PCBP4: variants seen among roughly 807,000 people sequenced by gnomAD.
The protein encoded by PCBP4 is poly(rC) binding protein 4.
Under a neutral mutation model 46.2 loss-of-function variants are expected in PCBP4, and 24 were observed. That is an observed-to-expected ratio of 0.52 (90% CI 0.38 to 0.73). PCBP4 has a LOEUF of 0.73. Ranked by LOEUF, PCBP4 falls within the 30% of genes least tolerant of loss-of-function variation. The probability of loss-of-function intolerance (pLI) is 0.00; values close to 1 mark genes in which losing one functional copy is unlikely to be tolerated. For synonymous variants in PCBP4, 203 were observed against 224.4 expected, an observed-to-expected ratio of 0.90 and a Z score of 0.85; for missense variants, 407 against 537.0, an observed-to-expected ratio of 0.76 and a Z score of 2.39.
intron 1 of PCBP4, among the ~76,000 whole-genome samples, chr3:51,964,162 C>A (rs574445747): frequency 5.9e-5 from 9 of 152,346 alleles, no homozygotes; most frequent in African/African-American, 2.2e-4. Context: ...GCCCACTCCT[C>A]CTGTCCCTGG....
In PCBP4 at chr3:51,958,446, G is replaced by A; in HGVS notation, c.924-97C>T. On this transcript the variant is annotated intron_variant, in intron 13 of 13. Coordinates refer to ENST00000461554, the MANE Select transcript of PCBP4 (RefSeq NM_001174100.2). The surrounding 1 kb of genome is among the most constrained non-coding windows in gnomAD (Gnocchi z 5.4). ...GGGCATGAGATTAGATGAAAGGCAA[G>A]AGAGAGGTAGTGAACAGAGAACAAT... 3 of 832,146 alleles carry A rather than the reference G, an allele frequency of 3.6e-6. No homozygotes were observed. The highest frequency in any genetic ancestry group is 2.4e-4 in the Middle Eastern group (1 of 4,178). The allele number at this position is 832,146 out of a possible 1,614,324, so 51.5% of individuals were successfully genotyped here.
rs992348951 is a variant in PCBP4, at chr3:51,960,391, C to A, written c.256-71G>T. On this transcript the variant is annotated intron_variant, in intron 6 of 13. Coordinates refer to ENST00000461554, the MANE Select transcript of PCBP4 (RefSeq NM_001174100.2). This position sits in a 1 kb window ranked among gnomAD's most constrained non-coding sequence, Gnocchi z 5.0. ...TCTGCCCAGGGGTCAGGAGGGTACC[C>A]TTTCCCCAGTCCCACTTCAAGGGAA... 1.2e-4 allele frequency: 195 copies of A among 1,584,008 alleles called. No individual in the cohort carries two copies. The highest frequency in any genetic ancestry group is 2.2e-4 in the Admixed American group (13 of 58,134).
rs1213500705 is a variant in PCBP4 at position 51,961,217 on chromosome 3, C to T, written c.24G>A (p.Leu8=). MSGSDGG[L]EEEPELSITL... ...TGATGCTGAGCTCTGGCTCCTCCTC[C>T]AGTCCCCCGTCCGAGCCGCTCATTC... is the stretch of plus-strand genomic sequence containing the variant. Residue 8 remains leucine (L), a synonymous_variant, in exon 3 of 14, where the codon CTG becomes CTA. Transcript: ENST00000461554. 2 of 1,612,952 alleles carry T rather than the reference C, an allele frequency of 1.2e-6. No homozygotes were observed. Among genetic ancestry groups the T allele is most frequent in the Non-Finnish European group, 1.7e-6 (2 of 1,179,982 alleles).
rs761140336 is a variant in PCBP4 at position 51,959,354 on chromosome 3, A to C, written c.636+13T>G. The C allele has an allele frequency of 1.2e-6, 2 of 1,613,336 alleles. No homozygotes were observed. The highest frequency in any genetic ancestry group is 1.7e-6 in the Non-Finnish European group (2 of 1,179,640). The stretch of plus-strand genomic sequence containing the variant: ...GGTTCAGGAAGGGGTGCCTTGGGCT[A>C]TGGGTCACTCACCTCAGCTGGGGTC... On this transcript the variant is annotated intron_variant, in intron 10 of 13. Transcript: ENST00000461554. The surrounding 1 kb of genome is among the most constrained non-coding windows in gnomAD (Gnocchi z 5.6).
In PCBP4 at chr3:51,957,963, G is replaced by A. The variant is rs545684638; in HGVS notation, c.*98C>T. ...ATCCATGCGTCTGGGCGTTAGCGGCGTTTGGGACCCCAGGGTGGAGTCTCC... is the reference window on the plus strand; with the variant it reads ...ATCCATGCGTCTGGGCGTTAGCGGCATTTGGGACCCCAGGGTGGAGTCTCC... On this transcript the variant is annotated 3_prime_UTR_variant, in exon 14 of 14. Transcript: ENST00000461554. 1.1e-5 allele frequency: 13 copies of A among 1,193,414 alleles called. No homozygotes were observed. The highest frequency in any genetic ancestry group is 4.6e-5 in the African/African-American group (3 of 64,706). 73.9% of individuals were successfully genotyped at this position (1,193,414 alleles called of 1,614,324 possible).
chr3:51,958,427 G>T lies in PCBP4; in HGVS notation c.924-78C>A. The stretch of plus-strand genomic sequence containing the variant: ...GGGCAATGAGGGCAGAGATGGGCAT[G>T]AGATTAGATGAAAGGCAAGAGAGAG... On this transcript the variant is annotated intron_variant, in intron 13 of 13. Transcript: ENST00000461554. The surrounding 1 kb of genome is among the most constrained non-coding windows in gnomAD (Gnocchi z 5.4). 1.0e-6 allele frequency: 1 copy of T among 983,806 alleles called. No homozygotes were observed. Among genetic ancestry groups the T allele is most frequent in the Non-Finnish European group, 1.4e-6 (1 of 695,040 alleles). 60.9% of individuals were successfully genotyped at this position (983,806 alleles called of 1,614,324 possible). A position where few individuals can be genotyped will look rare whatever the true frequency, so the allele number is the denominator to read the frequency against.
chr3:51,959,570 C>T lies in PCBP4; in HGVS notation c.591+7G>A. 6.4e-7 allele frequency: 1 copy of T among 1,551,258 alleles called. No homozygotes were observed. The highest frequency in any genetic ancestry group is 8.7e-7 in the Non-Finnish European group (1 of 1,146,166). ...ATGTGTCCCACTGCTCCTGTTGTTC[C>T]CCTCACCTGGTTGGCAGAGAGAAGA... On this transcript the variant is annotated splice_region_variant and intron_variant, in intron 9 of 13. Coordinates refer to ENST00000461554, the MANE Select transcript of PCBP4 (RefSeq NM_001174100.2). The surrounding 1 kb of genome is among the most constrained non-coding windows in gnomAD (Gnocchi z 5.6).
chr3:51,958,694 A>G lies in PCBP4; in HGVS notation c.923+96T>C, dbSNP rs1699959157. 2.9e-6 allele frequency: 4 copies of G among 1,393,168 alleles called. No homozygotes were observed. The highest frequency in any genetic ancestry group is 2.9e-6 in the Non-Finnish European group (3 of 1,021,870). The allele number at this position is 1,393,168 out of a possible 1,614,324, so 86.3% of individuals were successfully genotyped here. A position where few individuals can be genotyped will look rare whatever the true frequency, so the allele number is the denominator to read the frequency against. ...GGAGAGGCAGAGGTCGGGCCCAGAC[A>G]GAGAGAGGAGGCCAGCTTCCTCTCC... On this transcript the variant is annotated intron_variant, in intron 13 of 13. Coordinates refer to ENST00000461554, the MANE Select transcript of PCBP4 (RefSeq NM_001174100.2). The surrounding 1 kb of genome is among the most constrained non-coding windows in gnomAD (Gnocchi z 5.4).
At chr3:51,965,001 C>T (rs1204567343) in intron 1 of PCBP4, among the ~76,000 whole-genome samples, 1 of 152,080 alleles carries the variant, frequency 6.6e-6, no homozygotes, top group Non-Finnish European at 1.5e-5. Flanking sequence ...CTTCCATACA[C>T]CATCATTAGG....
At chr3:51,961,788 G>T (rs1037696745) in intron 2 of PCBP4, 153 bp downstream of exon 2, 5 of 988,588 alleles carry the variant, frequency 5.1e-6, no homozygotes, top group Non-Finnish European at 6.0e-6. Context: ...CCAGATGGTG[G>T]ATGGAGCACA....
At chr3:51,965,381 A>C (rs1349573004) in intron 1 of PCBP4, among the ~76,000 whole-genome samples, 2 of 151,940 alleles carry the variant, frequency 1.3e-5, no homozygotes, top group African/African-American at 4.8e-5. Flanking sequence ...CTCAGCTCAA[A>C]ACGCCCATCC....
Position 51,958,488 on chromosome 3 carries a change from A to G in PCBP4, c.924-139T>C. ...GAGAACAATAAGGGGAAGATGGGAA[A>G]GGTGGAAGAGGAAGGGAAGAAAGGA... On this transcript the variant is annotated intron_variant, in intron 13 of 13. Transcript: ENST00000461554. The surrounding 1 kb of genome is among the most constrained non-coding windows in gnomAD (Gnocchi z 5.4). The G allele has an allele frequency of 1.5e-6, 1 of 667,840 alleles. No homozygotes were observed. The highest frequency in any genetic ancestry group is 3.3e-5 in the Admixed American group (1 of 30,706). The allele number at this position is 667,840 out of a possible 1,614,324, so 41.4% of individuals were successfully genotyped here.
chr3:51,960,793 A>G lies in PCBP4; in HGVS notation c.138+73T>C. ...CTGGTCAGCCCAGAAGGAGTGGTTC[A>G]GAGAGAAAGTGGGGCAGGGATCTCC... On this transcript the variant is annotated intron_variant, in intron 5 of 13. Coordinates refer to ENST00000461554, the MANE Select transcript of PCBP4 (RefSeq NM_001174100.2). The surrounding 1 kb of genome is among the most constrained non-coding windows in gnomAD (Gnocchi z 5.0). 1 of 1,560,266 alleles carries G rather than the reference A, an allele frequency of 6.4e-7. No homozygotes were observed. The highest frequency in any genetic ancestry group is 8.8e-7 in the Non-Finnish European group (1 of 1,131,226).
Position 51,960,143 on chromosome 3 carries a change from C to T in PCBP4, c.387+46G>A, listed in dbSNP as rs1369771527. ...AAGCCCAACACCCCTCTTACAACTGCTCCCTTGCCCCGGATTCCCTGTGGG... is the reference window on the plus strand; with the variant it reads ...AAGCCCAACACCCCTCTTACAACTGTTCCCTTGCCCCGGATTCCCTGTGGG... On this transcript the variant is annotated intron_variant, in intron 7 of 13. Coordinates refer to ENST00000461554, the MANE Select transcript of PCBP4 (RefSeq NM_001174100.2). This position sits in a 1 kb window ranked among gnomAD's most constrained non-coding sequence, Gnocchi z 5.0. The T allele has an allele frequency of 6.2e-7, 1 of 1,614,166 alleles. No individual in the cohort carries two copies. Among genetic ancestry groups the T allele is most frequent in the Non-Finnish European group, 8.5e-7 (1 of 1,180,006 alleles).
At chr3:51,966,099 C>A (rs1398628599) in intron 1 of PCBP4, among the ~76,000 whole-genome samples, 1 of 152,224 alleles carries the variant, frequency 6.6e-6, no homozygotes, top group African/African-American at 2.4e-5. Flanking sequence ...CAGCTCAGAG[C>A]TCTTTCCTCA....
chr3:51,958,413 G>A lies in PCBP4; in HGVS notation c.924-64C>T. 2 of 1,099,538 alleles carry A rather than the reference G, an allele frequency of 1.8e-6. No individual in the cohort carries two copies. The highest frequency in any genetic ancestry group is 2.5e-6 in the Non-Finnish European group (2 of 795,392). 68.1% of individuals were successfully genotyped at this position (1,099,538 alleles called of 1,614,324 possible). ...TGGGAGTGAGAGAGGGGCAATGAGG[G>A]CAGAGATGGGCATGAGATTAGATGA... On this transcript the variant is annotated intron_variant, in intron 13 of 13. Coordinates refer to ENST00000461554, the MANE Select transcript of PCBP4 (RefSeq NM_001174100.2). The surrounding 1 kb of genome is among the most constrained non-coding windows in gnomAD (Gnocchi z 5.4).
chr3:51,959,105 G>T lies in PCBP4; in HGVS notation c.701-6C>A, dbSNP rs372521659. 2 of 1,613,840 alleles carry T rather than the reference G, an allele frequency of 1.2e-6. No homozygotes were observed. Among genetic ancestry groups the T allele is most frequent in the Non-Finnish European group, 1.7e-6 (2 of 1,179,898 alleles). On this transcript the variant is annotated splice_polypyrimidine_tract_variant and splice_region_variant and intron_variant, in intron 11 of 13. Coordinates refer to ENST00000461554, the MANE Select transcript of PCBP4 (RefSeq NM_001174100.2). This position sits in a 1 kb window ranked among gnomAD's most constrained non-coding sequence, Gnocchi z 5.6. ...CTGTGTGCCGGGATCCAGTCCTGAG[G>T]GGGAGAAGAGGGACTGAGTGTGGTT...
rs1451384298 is a variant in PCBP4 at position 51,960,247 on chromosome 3, G to A, written c.329C>T (p.Ala110Val). The change falls in exon 7 of 14, where the codon GCC becomes GTC. Residue 110 changes from alanine (A) to valine (V), a missense_variant. By Grantham distance (64) the Ala-to-Val change is moderately conservative (BLOSUM62 0). Transcript: ENST00000461554. The surrounding 1 kb of genome is among the most constrained non-coding windows in gnomAD (Gnocchi z 5.0). The part of the protein sequence containing the change: ...PPVTLRLVIP[A>V]SQCGSLIGKA... ...CCCAATCAGTGAGCCACACTGACTG[G>A]CAGGGATGACAAGGCGCAGGGTCAC... 6.2e-7 allele frequency: 1 copy of A among 1,614,126 alleles called. No individual in the cohort carries two copies. Among genetic ancestry groups the A allele is most frequent in the Non-Finnish European group, 8.5e-7 (1 of 1,180,046 alleles).
At chr3:51,961,068 A>G in intron 3 of PCBP4, 35 bp from the exon 4 acceptor site, 1 of 1,614,130 alleles carries the variant, frequency 6.2e-7, no homozygotes. Context: ...GATGGGTGCC[A>G]GTGCCCAGGC....
Sources: gnomAD v4.1 joint callset for allele counts (sites outside exome capture counted in the v4.1 genomes callset) on GRCh38, gnomAD v4.1.1 for gene constraint, Gnocchi (gnomAD v3.1) non-coding constraint, MANE v1.5 for transcripts, NCBI Gene and HGNC (gene_info 2026-07-23, HGNC 2026-07-21) for gene names.